Variants in SLC44A5 observed in about 807,000 individuals in gnomAD.
SLC44A5 encodes the protein choline transporter-like protein 5.
A neutral mutation model predicts 101.8 loss-of-function variants in SLC44A5; 57 were observed. That is an observed-to-expected ratio of 0.56 (90% confidence interval 0.45 to 0.70). The LOEUF (loss-of-function observed/expected upper bound fraction) is 0.70. Ranked by LOEUF, SLC44A5 falls within the 30% of genes least tolerant of loss-of-function variation. The probability of loss-of-function intolerance (pLI) is 0.00; values close to 1 mark genes in which losing one functional copy is unlikely to be tolerated. For synonymous variants in SLC44A5, 281 were observed against 290.9 expected, an observed-to-expected ratio of 0.97 and a Z score of 0.35; for missense variants, 737 against 853.1, an observed-to-expected ratio of 0.86 and a Z score of 1.70.
intron 5 of SLC44A5, among the ~76,000 whole-genome samples, chr1:75,277,649 C>T (rs1486897312): frequency 2.0e-5 from 3 of 149,238 alleles, no homozygotes; most frequent in Non-Finnish European, 4.4e-5. Flanking sequence ...GGAGCTTTTG[C>T]CATTTGGAGA....
At chr1:75,609,940 T>A (rs900431126) in intron 1 of SLC44A5, among the ~76,000 whole-genome samples, 21 of 152,084 alleles carry the variant, frequency 1.4e-4, no homozygotes, top group Non-Finnish European at 2.6e-4. Context: ...CTTGATTGGA[T>A]AGCTCTGGGT....
At chr1:75,263,118 A>G (rs1299848375) in intron 6 of SLC44A5, among the ~76,000 whole-genome samples, 1 of 152,224 alleles carries the variant, frequency 6.6e-6, no homozygotes. Context: ...ACAAAAGCCA[A>G]AATTGACAAA....
intron 9 of SLC44A5, among the ~76,000 whole-genome samples, chr1:75,241,367 G>A (rs1185214107): frequency 2.6e-5 from 4 of 151,888 alleles, no homozygotes; most frequent in Non-Finnish European, 4.4e-5. Flanking sequence ...GGGATTACAA[G>A]TGCACATTGC....
the SLC44A5 span, among the ~76,000 whole-genome samples, chr1:75,717,611 A>T: frequency 6.6e-6 from 1 of 152,240 alleles, no homozygotes; most frequent in East Asian, 1.9e-4. Context: ...ACCTAAAATA[A>T]TTTTTTTAAA....
At chr1:75,342,264 C>T (rs542551822) in intron 3 of SLC44A5, among the ~76,000 whole-genome samples, 4 of 152,204 alleles carry the variant, frequency 2.6e-5, no homozygotes, top group East Asian at 3.9e-4. Context: ...CAGGGACTAC[C>T]GTAAGTTCTT....
intron 2 of SLC44A5, among the ~76,000 whole-genome samples, chr1:75,426,981 C>G (rs1034674432): frequency 5.3e-5 from 8 of 152,186 alleles, no homozygotes; most frequent in African/African-American, 1.9e-4. Context: ...TTCTAGGATC[C>G]CAGCACCACT....
chr1:75,228,665 TTTTG>T lies in SLC44A5; in HGVS notation c.854-812_854-809del, dbSNP rs558121274. Among the ~76,000 whole-genome samples the T allele has an allele frequency of 2.1e-3, 312 of 152,028 alleles. 1 individual carries two copies. Among genetic ancestry groups the T allele is most frequent in the African/African-American group, 7.3e-3 (303 of 41,558 alleles). ...TCTTGTCTTTTAAAAATTGATGATTTTTTGTTTGTTTACTTATATTCCATTTTTC... is the reference window on the plus strand; with the variant it reads ...TCTTGTCTTTTAAAAATTGATGATTTTTTGTTTACTTATATTCCATTTTTC... On this transcript the variant is annotated intron_variant, in intron 12 of 23. Coordinates refer to ENST00000370859, the MANE Select transcript of SLC44A5 (RefSeq NM_001130058.2).
the SLC44A5 span, among the ~76,000 whole-genome samples, chr1:75,637,715 C>T: frequency 9.9e-5 from 15 of 151,904 alleles, no homozygotes; most frequent in Non-Finnish European, 2.2e-4. Context: ...TTCTGATAAA[C>T]ATATCTTCAT....
intron 7 of SLC44A5, among the ~76,000 whole-genome samples, chr1:75,245,777 TA>T (rs886924704): frequency 1.3e-5 from 2 of 152,102 alleles, no homozygotes; most frequent in Non-Finnish European, 2.9e-5. Flanking sequence ...AATGAGCTGT[TA>T]AAAAACAATA....
intron 3 of SLC44A5, among the ~76,000 whole-genome samples, chr1:75,366,079 C>T (rs2101138624): frequency 6.6e-6 from 1 of 152,306 alleles, no homozygotes; most frequent in East Asian, 1.9e-4. Flanking sequence ...GTGATTTACA[C>T]ACCACCATTA....
the SLC44A5 span, chr1:75,677,669 A>T: frequency 7.4e-6 from 3 of 404,972 alleles, no homozygotes; most frequent in African/African-American, 6.7e-5. Flanking sequence ...ACTCTCCAAT[A>T]AAAAAACGTA....
At chr1:75,640,618 T>A in the SLC44A5 span, among the ~76,000 whole-genome samples, 1 of 152,080 alleles carries the variant, frequency 6.6e-6, no homozygotes, top group Non-Finnish European at 1.5e-5. Flanking sequence ...AAATTTTGAA[T>A]ATTAATTGAT....
At chr1:75,293,962 T>C (rs901818218) in intron 5 of SLC44A5, among the ~76,000 whole-genome samples, 2 of 152,216 alleles carry the variant, frequency 1.3e-5, no homozygotes, top group Admixed American at 6.5e-5. Flanking sequence ...AATATTTATA[T>C]ATTTGTAAAA....
At position 75,505,968 on chromosome 1, in the gene SLC44A5, G is replaced by T. The variant is rs1669231063; in HGVS notation, c.13+35467C>A. On this transcript the variant is annotated intron_variant, in intron 2 of 23. Coordinates refer to ENST00000370859, the MANE Select transcript of SLC44A5 (RefSeq NM_001130058.2). ...TGGCATTTCCTAGAATTTTTTCTAGGTTTTTTATAGTTTGAGGTTTACATC... is the reference window on the plus strand; with the variant it reads ...TGGCATTTCCTAGAATTTTTTCTAGTTTTTTTATAGTTTGAGGTTTACATC... Among the ~76,000 whole-genome samples the T allele has an allele frequency of 2.6e-5, 4 of 152,118 alleles. No homozygotes were observed. In the South Asian group the frequency reaches 8.3e-4, roughly 31 times the overall value.
intron 3 of SLC44A5, among the ~76,000 whole-genome samples, chr1:75,375,687 G>A (rs1660535138): frequency 6.6e-6 from 1 of 152,206 alleles, no homozygotes; most frequent in Non-Finnish European, 1.5e-5. Flanking sequence ...AGACCTGGAG[G>A]CCTATTTTTA....
At chr1:75,635,910 T>C in the SLC44A5 span, among the ~76,000 whole-genome samples, 1 of 152,092 alleles carries the variant, frequency 6.6e-6, no homozygotes, top group Non-Finnish European at 1.5e-5. Context: ...ATTATTTATG[T>C]ATTTATTTTT....
the SLC44A5 span, among the ~76,000 whole-genome samples, chr1:75,705,637 G>A: frequency 3.4e-4 from 52 of 151,522 alleles, no homozygotes; most frequent in African/African-American, 1.1e-3. Context: ...CCTCAGTCTC[G>A]CTAGAGGTAT....
chr1:75,678,359 CCT>C, the SLC44A5 span, among the ~76,000 whole-genome samples: 25 of 152,112 alleles, frequency 1.6e-4, no homozygotes, highest in Non-Finnish European at 3.5e-4. Context: ...CTTAAATGTC[CCT>C]GTCTGACAGC....
chr1:75,212,187 T>A (rs1021680750), intron 22 of SLC44A5, among the ~76,000 whole-genome samples: 2 of 152,178 alleles, frequency 1.3e-5, no homozygotes, highest in African/African-American at 4.8e-5. Flanking sequence ...TTTAAACTTT[T>A]ATTTTTTTAA....
Sources: gnomAD v4.1 joint callset for allele counts (sites outside exome capture counted in the v4.1 genomes callset) on GRCh38, gnomAD v4.1.1 for gene constraint, MANE v1.5 for transcripts, NCBI Gene and HGNC (gene_info 2026-07-23, HGNC 2026-07-21) for gene names.